CTBP1: variants seen among roughly 807,000 people sequenced by gnomAD.
CTBP1 encodes the protein C-terminal binding protein 1, also known as C-terminal-binding protein 1.
Under a neutral mutation model 42.1 loss-of-function variants are expected in CTBP1, and 11 were observed. The ratio of observed to expected loss-of-function variants is 0.26; its 90% CI spans 0.16 to 0.43. The LOEUF is 0.43. Ranked by LOEUF, CTBP1 falls within the 20% of genes least tolerant of loss-of-function variation. The probability of loss-of-function intolerance (pLI) is 1.00; values close to 1 mark genes in which losing one functional copy is unlikely to be tolerated. For synonymous variants in CTBP1, 324 were observed against 277.1 expected, an observed-to-expected ratio of 1.17 and a Z score of -1.68; for missense variants, 399 against 624.3, an observed-to-expected ratio of 0.64 and a Z score of 3.85.
intron 3 of CTBP1, among the ~76,000 whole-genome samples, chr4:1,229,134 C>T (rs576878018): frequency 9.2e-5 from 14 of 152,326 alleles, no homozygotes; most frequent in Non-Finnish European, 2.1e-4. Flanking sequence ...CCAACCCCAC[C>T]CTGCCAAGGG....
chr4:1,242,147 C>G (rs996942713), intron 1 of CTBP1: 1 of 985,468 alleles, frequency 1.0e-6, no homozygotes, highest in Non-Finnish European at 1.2e-6. Context: ...CGGCCAGGGC[C>G]TGGCGGGAAG....
At chr4:1,244,363 G>GGA (rs1178936580) in intron 1 of CTBP1, 9 of 983,966 alleles carry the variant, frequency 9.1e-6, no homozygotes, top group Non-Finnish European at 1.1e-5. Flanking sequence ...CTGGGGGGGG[G>GGA]GTGTTCCAGG....
At chr4:1,244,037 A>G in intron 1 of CTBP1, 1 of 985,440 alleles carries the variant, frequency 1.0e-6, no homozygotes, top group Non-Finnish European at 1.2e-6. Flanking sequence ...TTTTAAAGTA[A>G]ATGGGGGTGA....
intron 3 of CTBP1, among the ~76,000 whole-genome samples, chr4:1,229,414 G>A (rs1376533986): frequency 2.6e-5 from 4 of 152,224 alleles, no homozygotes; most frequent in South Asian, 2.1e-4. Flanking sequence ...TGCAGGCCTC[G>A]TCCACATGGG....
intron 1 of CTBP1, chr4:1,244,662 GAAGGGC>G (rs1201764000): frequency 2.0e-6 from 2 of 985,270 alleles, no homozygotes; most frequent in Non-Finnish European, 2.4e-6. Flanking sequence ...CCGACCACCA[GAAGGGC>G]ACCCTAAGGC....
At chr4:1,244,910 G>A in intron 1 of CTBP1, 2 of 985,410 alleles carry the variant, frequency 2.0e-6, no homozygotes, top group Non-Finnish European at 2.4e-6. Flanking sequence ...GCCTGACCCG[G>A]AGCCTTCCAG....
chr4:1,226,041 C>T (rs1206546884), intron 4 of CTBP1, among the ~76,000 whole-genome samples: 6 of 152,126 alleles, frequency 3.9e-5, no homozygotes, highest in Admixed American at 1.3e-4. Context: ...CAGGCCCAGC[C>T]GGGCCCCGAA....
intron 1 of CTBP1, chr4:1,244,986 C>T: frequency 2.0e-6 from 2 of 985,462 alleles, no homozygotes; most frequent in Non-Finnish European, 2.4e-6. Context: ...GCAGAGAAGG[C>T]AGGCCCCCAA....
At chr4:1,244,523 G>C in intron 1 of CTBP1, 1 of 985,176 alleles carries the variant, frequency 1.0e-6, no homozygotes, top group Non-Finnish European at 1.2e-6. Flanking sequence ...AGCCCTGCTG[G>C]GCCAACCGGT....
intron 1 of CTBP1, chr4:1,244,076 T>C: frequency 2.0e-6 from 2 of 985,430 alleles, no homozygotes; most frequent in Middle Eastern, 5.2e-4. Flanking sequence ...CCAGGTTCTC[T>C]GGAGGCATCA....
At chr4:1,215,966 G>A in intron 6 of CTBP1, 25 bp downstream of exon 6, 1 of 1,588,760 alleles carries the variant, frequency 6.3e-7, no homozygotes. Flanking sequence ...CAGAAGTAGA[G>A]TCCTGTGTCC....
Position 1,243,258 on chromosome 4 carries a change from T to C in CTBP1, c.-188-1739A>G, listed in dbSNP as rs547474304. The C allele has an allele frequency of 8.8e-4, 866 of 985,400 alleles. 33 individuals are homozygous for C. In the East Asian group the frequency reaches 0.068, roughly 78 times the overall value. The allele number at this position is 985,400 out of a possible 1,614,324, so 61.0% of individuals were successfully genotyped here. On this transcript the variant is annotated intron_variant, in intron 1 of 9. Coordinates refer to ENST00000382952, the MANE Select transcript of CTBP1 (RefSeq NM_001012614.2). ...CAGTACGTGCCCACACCTGTGTCTC[T>C]GAGGAAGAAGCAGATGTGTGAAGGC...
chr4:1,237,071 G>C (rs1731594847), intron 3 of CTBP1: 1 of 656,254 alleles, frequency 1.5e-6, no homozygotes, highest in South Asian at 1.6e-5. Context: ...GTGGGGCTCA[G>C]GGAAAACCCC....
rs1282672408 is a variant in CTBP1, at chr4:1,238,829, T to C, written c.8-492A>G. On this transcript the variant is annotated intron_variant, in intron 2 of 9. Coordinates refer to ENST00000382952, the MANE Select transcript of CTBP1 (RefSeq NM_001012614.2). The surrounding 1 kb of genome is among the most constrained non-coding windows in gnomAD (Gnocchi z 5.9). The stretch of plus-strand genomic sequence containing the variant: ...GACCCCCCGAGACCCTCCCAGACCG[T>C]CCGAGACCCCAGGGCAGCTCCATGA... Among the ~76,000 whole-genome samples, 1 of 147,850 alleles carries C rather than the reference T, an allele frequency of 6.8e-6. No individual in the cohort carries two copies. The highest frequency in any genetic ancestry group is 2.5e-5 in the African/African-American group (1 of 39,702).
intron 5 of CTBP1, among the ~76,000 whole-genome samples, chr4:1,220,716 C>A (rs1034863122): frequency 1.3e-5 from 2 of 152,268 alleles, no homozygotes; most frequent in African/African-American, 4.8e-5. Flanking sequence ...AACTGCCTTT[C>A]CACAGAGGAG....
Position 1,249,020 on chromosome 4 carries a change from C to T in CTBP1, c.-293G>A, listed in dbSNP as rs1324063555. 1.7e-5 allele frequency: 14 copies of T among 820,444 alleles called. No homozygotes were observed. Among genetic ancestry groups the T allele is most frequent in the Non-Finnish European group, 1.9e-5 (13 of 682,550 alleles). 50.8% of individuals were successfully genotyped at this position (820,444 alleles called of 1,614,324 possible). Reference sequence around the variant, plus strand: ...GCGCTGCGCCGCCGCGAGCCCGGCGCGTGGGGCGGCCTCGGCGCCGTCCGC... The same window carrying T: ...GCGCTGCGCCGCCGCGAGCCCGGCGTGTGGGGCGGCCTCGGCGCCGTCCGC... On this transcript the variant is annotated 5_prime_UTR_variant, in exon 1 of 10. Transcript: ENST00000382952.
rs374289560 is a variant in CTBP1 at position 1,212,401 on chromosome 4, C to T, written c.1129G>A (p.Val377Met). The change falls in exon 10 of 10, where the codon GTG (valine) becomes ATG (methionine). Residue 377 changes from valine (V) to methionine (M), a missense_variant. By Grantham distance (21) the Val-to-Met change is conservative. This residue lies in a region of CTBP1 where 309 missense variants were observed against 497.5 expected (regional missense o/e 0.62). Coordinates refer to ENST00000382952, the MANE Select transcript of CTBP1 (RefSeq NM_001012614.2). Reference sequence around the variant, plus strand: ...GCAGCTGGGATGCCAGTGGGGGCCACGCCCACCACGCCCGGAGGGTACCTG... The same window carrying T: ...GCAGCTGGGATGCCAGTGGGGGCCATGCCCACCACGCCCGGAGGGTACCTG... Reference protein sequence around the residue: ...AYRYPPGVVGVAPTGIPAAVE... With the variant: ...AYRYPPGVVGMAPTGIPAAVE... 2.4e-5 allele frequency: 35 copies of T among 1,470,996 alleles called. No homozygotes were observed. Among genetic ancestry groups the T allele is most frequent in the Non-Finnish European group, 2.9e-5 (32 of 1,114,432 alleles). The allele number at this position is 1,470,996 out of a possible 1,614,324, so 91.1% of individuals were successfully genotyped here.
At chr4:1,213,175 C>T in intron 8 of CTBP1, 145 bp from the exon 9 acceptor site, 1 of 789,690 alleles carries the variant, frequency 1.3e-6, no homozygotes, top group South Asian at 1.7e-5. Flanking sequence ...CGGCAGGGTC[C>T]TGTCTCTCTG....
At chr4:1,222,961 G>A (rs1401040325) in intron 5 of CTBP1, among the ~76,000 whole-genome samples, 4 of 152,026 alleles carry the variant, frequency 2.6e-5, no homozygotes, top group African/African-American at 7.3e-5. Context: ...ACAGTCCCTC[G>A]TACACCTCAG....
Sources: allele counts gnomAD v4.1 joint callset (sites outside exome capture counted in the v4.1 genomes callset), GRCh38; gene constraint gnomAD v4.1.1; regional missense constraint gnomAD v4.1.1; non-coding constraint Gnocchi (gnomAD v3.1); transcripts MANE v1.5; gene names NCBI Gene and HGNC (gene_info 2026-07-23, HGNC 2026-07-21).